Variants in SLC9A9 observed in about 807,000 individuals in gnomAD.
SLC9A9 encodes sodium/hydrogen exchanger 9.
A neutral mutation model predicts 77.8 loss-of-function variants in SLC9A9; 62 were observed. The ratio of observed to expected loss-of-function variants is 0.80; its 90% CI spans 0.65 to 0.98. The LOEUF is 0.98. SLC9A9 is among the 50% of genes least tolerant of loss of function. SLC9A9 has a pLI of 0.00. For synonymous variants in SLC9A9, 320 were observed against 283.5 expected, an observed-to-expected ratio of 1.13 and a Z score of -1.29; for missense variants, 775 against 774.9, an observed-to-expected ratio of 1.00 and a Z score of 0.00.
At chr3:143,381,311 C>T (rs181819995) in intron 13 of SLC9A9, 1 of 152,316 alleles carries the variant, frequency 6.6e-6, no homozygotes, top group Admixed American at 6.5e-5. Flanking sequence ...GTGAATGGGT[C>T]TCACTAGATC....
rs116866114 is a variant in SLC9A9, at chr3:143,333,956, A to G, written c.1604+29528T>C. Among the ~76,000 whole-genome samples, 10 of 152,294 alleles carry G rather than the reference A, an allele frequency of 6.6e-5. No individual in the cohort carries two copies. In the East Asian group the frequency reaches 1.7e-3, roughly 26 times the overall value. On this transcript the variant is annotated intron_variant, in intron 14 of 15. Coordinates refer to ENST00000316549, the MANE Select transcript of SLC9A9 (RefSeq NM_173653.4). ...CATGGGGAAGTGAAGGTGAAGTTGC[A>G]CTCAGCTCTACAATTTCCATCCCAA... is the stretch of plus-strand genomic sequence containing the variant.
intron 8 of SLC9A9, among the ~76,000 whole-genome samples, chr3:143,564,609 T>C (rs2108649164): frequency 6.6e-6 from 1 of 152,240 alleles, no homozygotes; most frequent in African/African-American, 2.4e-5. Context: ...TTTAACAAAA[T>C]GGAAAACTCC....
intron 4 of SLC9A9, among the ~76,000 whole-genome samples, chr3:143,730,101 C>T (rs1027358110): frequency 1.3e-5 from 2 of 152,186 alleles, no homozygotes; most frequent in African/African-American, 4.8e-5. Flanking sequence ...TTGAAGTGCA[C>T]ATGTCAAGGC....
chr3:143,270,226 A>G (rs775918075), intron 14 of SLC9A9, among the ~76,000 whole-genome samples: 20 of 152,228 alleles, frequency 1.3e-4, no homozygotes, highest in Non-Finnish European at 2.5e-4. Flanking sequence ...TTGGTGTAAT[A>G]TCTTGTAAAT....
At chr3:143,291,577 A>G (rs573232112) in intron 14 of SLC9A9, among the ~76,000 whole-genome samples, 2 of 152,316 alleles carry the variant, frequency 1.3e-5, no homozygotes, top group East Asian at 3.9e-4. Flanking sequence ...AGGAGCAGGA[A>G]AAGGCTATTG....
At chr3:143,613,163 A>G (rs2038048620) in intron 6 of SLC9A9, among the ~76,000 whole-genome samples, 1 of 152,232 alleles carries the variant, frequency 6.6e-6, no homozygotes, top group South Asian at 2.1e-4. Flanking sequence ...ATGCTGGGCT[A>G]TGGTTTAAAT....
intron 4 of SLC9A9, among the ~76,000 whole-genome samples, chr3:143,778,098 A>C (rs573884536): frequency 1.3e-5 from 2 of 149,194 alleles, no homozygotes; most frequent in South Asian, 4.3e-4. Flanking sequence ...ATAAATCCAA[A>C]TCTTTTATTA....
chr3:143,801,552 C>T (rs2008560918), intron 2 of SLC9A9, among the ~76,000 whole-genome samples: 1 of 152,166 alleles, frequency 6.6e-6, no homozygotes, highest in African/African-American at 2.4e-5. Context: ...CCACACCTGA[C>T]CCCCATGACT....
intron 9 of SLC9A9, among the ~76,000 whole-genome samples, chr3:143,510,746 T>G (rs1224054218): frequency 6.6e-6 from 1 of 152,220 alleles, no homozygotes; most frequent in Non-Finnish European, 1.5e-5. Flanking sequence ...TGTTTTCTAC[T>G]GGTTGTATGC....
chr3:143,844,564 T>C (rs946039678), intron 1 of SLC9A9, among the ~76,000 whole-genome samples: 2 of 152,180 alleles, frequency 1.3e-5, no homozygotes, highest in African/African-American at 4.8e-5. Context: ...CCAAATTCAT[T>C]GATAAGCATT....
chr3:143,611,332 G>A (rs1576609411), intron 6 of SLC9A9, among the ~76,000 whole-genome samples: 1 of 152,108 alleles, frequency 6.6e-6, no homozygotes, highest in East Asian at 1.9e-4. Flanking sequence ...GGTTCCATAA[G>A]AAAGAGAAGA....
At chr3:143,389,393 T>C (rs1341288995) in intron 12 of SLC9A9, among the ~76,000 whole-genome samples, 1 of 152,124 alleles carries the variant, frequency 6.6e-6, no homozygotes, top group East Asian at 1.9e-4. Context: ...GATATATACA[T>C]GAAGCGGTGG....
At chr3:143,719,856 T>C (rs1202863233) in intron 4 of SLC9A9, among the ~76,000 whole-genome samples, 1 of 152,134 alleles carries the variant, frequency 6.6e-6, no homozygotes, top group African/African-American at 2.4e-5. Flanking sequence ...TGAAGAGGCC[T>C]GCAATCAAAG....
intron 6 of SLC9A9, among the ~76,000 whole-genome samples, chr3:143,625,151 T>G (rs182769770): frequency 6.4e-4 from 97 of 152,294 alleles, no homozygotes; most frequent in African/African-American, 2.0e-3. Context: ...CATGCTCATG[T>G]GTAGGAAGAA....
chr3:143,640,384 T>C (rs1262499313), intron 6 of SLC9A9, among the ~76,000 whole-genome samples: 2 of 152,158 alleles, frequency 1.3e-5, no homozygotes, highest in Non-Finnish European at 2.9e-5. Flanking sequence ...TGTACTGTAT[T>C]TAGTGCAAGT....
intron 13 of SLC9A9, among the ~76,000 whole-genome samples, chr3:143,367,000 CT>C (rs1459861509): frequency 2.0e-5 from 3 of 152,156 alleles, no homozygotes; most frequent in Non-Finnish European, 4.4e-5. Context: ...CCCATAGAAA[CT>C]TTAGTGTTTT....
chr3:143,714,991 T>A (rs879272415), intron 4 of SLC9A9, among the ~76,000 whole-genome samples: 1 of 152,192 alleles, frequency 6.6e-6, no homozygotes, highest in African/African-American at 2.4e-5. Context: ...TTTAAAAATG[T>A]GAGTCTCCCT....
At chr3:143,817,980 G>A (rs1334280137) in intron 2 of SLC9A9, among the ~76,000 whole-genome samples, 1 of 152,006 alleles carries the variant, frequency 6.6e-6, no homozygotes, top group Non-Finnish European at 1.5e-5. Flanking sequence ...ATGATAATAA[G>A]TAAGTAAAGC....
intron 6 of SLC9A9, among the ~76,000 whole-genome samples, chr3:143,614,644 T>C (rs532626636): frequency 1.3e-5 from 2 of 152,332 alleles, no homozygotes; most frequent in African/African-American, 2.4e-5. Context: ...ATAAGGTTTT[T>C]TATCTCTCTA....
Sources: gnomAD v4.1 joint callset for allele counts (sites outside exome capture counted in the v4.1 genomes callset) on GRCh38, gnomAD v4.1.1 for gene constraint, MANE v1.5 for transcripts, NCBI Gene and HGNC (gene_info 2026-07-23, HGNC 2026-07-21) for gene names.